Variants in LRP1B observed in about 807,000 individuals in gnomAD.
The protein encoded by LRP1B is LDL receptor related protein 1B.
A neutral mutation model predicts 556.6 loss-of-function variants in LRP1B; 217 were observed. The observed-to-expected ratio is 0.39, with a 90% CI of 0.35 to 0.44. The LOEUF is 0.44. Among genes scored for constraint, LRP1B ranks in the 20% least tolerant of loss-of-function variants. The probability of loss-of-function intolerance (pLI) is 1.00; values close to 1 mark genes in which losing one functional copy is unlikely to be tolerated. For missense variants in LRP1B, 5,053 were observed against 5,620.8 expected (o/e 0.90, Z 3.23); for synonymous variants, 2,047 against 1,865.8 (o/e 1.10, Z -2.50).
intron 84 of LRP1B, among the ~76,000 whole-genome samples, chr2:140,284,847 C>T (rs1299918647): frequency 2.0e-5 from 3 of 150,806 alleles, no homozygotes; most frequent in Admixed American, 6.7e-5. Context: ...CTTGCTACCA[C>T]CCCAGTGTAG....
chr2:141,011,249 GA>G (rs1266068784), intron 14 of LRP1B, among the ~76,000 whole-genome samples: 1 of 150,188 alleles, frequency 6.7e-6, no homozygotes, highest in Non-Finnish European at 1.5e-5. Context: ...CCATTTATAG[GA>G]CACAGATCAT....
intron 32 of LRP1B, among the ~76,000 whole-genome samples, chr2:140,808,295 A>T: frequency 6.6e-6 from 1 of 152,208 alleles, no homozygotes; most frequent in East Asian, 1.9e-4. Context: ...TATCTTGGAA[A>T]ATTAACCTTA....
intron 1 of LRP1B, among the ~76,000 whole-genome samples, chr2:141,938,786 A>G (rs752109133): frequency 2.6e-5 from 4 of 152,058 alleles, no homozygotes; most frequent in Non-Finnish European, 4.4e-5. Flanking sequence ...ATGTGTATCT[A>G]TATATACATA....
chr2:141,437,779 AG>A (rs1212296143), intron 3 of LRP1B, among the ~76,000 whole-genome samples: 1 of 151,806 alleles, frequency 6.6e-6, no homozygotes. Context: ...GCAGAAGGGG[AG>A]AAAAAATAAT....
intron 79 of LRP1B, among the ~76,000 whole-genome samples, chr2:140,329,933 C>T (rs1429685447): frequency 3.3e-5 from 5 of 151,768 alleles, no homozygotes; most frequent in East Asian, 1.9e-4. Context: ...ATGGGCTGGG[C>T]TCCCACCTAT....
At chr2:141,044,816 T>C (rs1392049321) in intron 11 of LRP1B, among the ~76,000 whole-genome samples, 1 of 150,320 alleles carries the variant, frequency 6.7e-6, no homozygotes, top group Non-Finnish European at 1.5e-5. Context: ...TTTTACACTG[T>C]TGGTGGGACT....
Position 140,851,793 on chromosome 2 carries a change from C to T in LRP1B, c.4580-10G>A, listed in dbSNP as rs777122885. 6.3e-7 allele frequency: 1 copy of T among 1,592,716 alleles called. No homozygotes were observed. Among genetic ancestry groups the T allele is most frequent in the East Asian group, 2.2e-5 (1 of 44,542 alleles). Reference sequence around the variant, plus strand: ...GCACAAGGATTGGGAGCTGTAATTACACAGTGAAATATGAACAGTGAAGAA... The same window carrying T: ...GCACAAGGATTGGGAGCTGTAATTATACAGTGAAATATGAACAGTGAAGAA... On this transcript the variant is annotated splice_polypyrimidine_tract_variant and intron_variant, in intron 27 of 90. Transcript: ENST00000389484.
At chr2:140,561,827 C>T (rs1406156865) in intron 43 of LRP1B, among the ~76,000 whole-genome samples, 1 of 151,838 alleles carries the variant, frequency 6.6e-6, no homozygotes, top group Non-Finnish European at 1.5e-5. Flanking sequence ...TTATGACTAC[C>T]AATCTAAATA....
rs759546131 is a variant in LRP1B at position 140,456,523 on chromosome 2, C to A, written c.9895G>T (p.Ala3299Ser). Residue 3299 changes from alanine to serine, a missense_variant, in exon 62 of 91, where the codon GCA becomes TCA. By Grantham distance (99) the Ala-to-Ser change is moderately conservative (BLOSUM62 1). Around this residue, in one of 5 missense-constraint regions of LRP1B, gnomAD observed 262 missense variants for 395.1 expected, o/e 0.66. Transcript: ENST00000389484. ...LLAPGKTHTC[A>S]CPTNFYLAAD... is the part of the protein sequence containing the mutation. ...GCCAGATAGAAGTTAGTGGGACATGCACAAGTGTGGGTTTTTCCAGGGGCT... is the reference window on the plus strand; with the variant it reads ...GCCAGATAGAAGTTAGTGGGACATGAACAAGTGTGGGTTTTTCCAGGGGCT... The A allele has an allele frequency of 8.1e-6, 13 of 1,613,284 alleles. No homozygotes were observed. In the South Asian group the frequency reaches 1.2e-4, roughly 15 times the overall value.
intron 1 of LRP1B, among the ~76,000 whole-genome samples, chr2:142,047,358 A>T (rs1704296487): frequency 6.6e-6 from 1 of 152,036 alleles, no homozygotes; most frequent in Non-Finnish European, 1.5e-5. Flanking sequence ...AGAAGGTAGC[A>T]GTCCACACAC....
intron 2 of LRP1B, among the ~76,000 whole-genome samples, chr2:141,663,345 A>G (rs1362536972): frequency 1.3e-5 from 2 of 152,154 alleles, no homozygotes; most frequent in Non-Finnish European, 2.9e-5. Context: ...TCAGAACAGA[A>G]CTAAAGGAGA....
chr2:140,392,291 A>G (rs1385009476), intron 66 of LRP1B, among the ~76,000 whole-genome samples: 2 of 152,112 alleles, frequency 1.3e-5, no homozygotes, highest in Non-Finnish European at 2.9e-5. Flanking sequence ...TTTATCCTAA[A>G]ACAGTTCCGC....
At position 141,826,354 on chromosome 2, in the gene LRP1B, GTTT is replaced by G. The variant is rs70994454; in HGVS notation, c.83-15956_83-15954del. Among the ~76,000 whole-genome samples, 56 of 97,076 alleles carry G rather than the reference GTTT, an allele frequency of 5.8e-4. 1 individual carries two copies. The highest frequency in any genetic ancestry group is 2.0e-3 in the East Asian group (6 of 3,042). 63.7% of individuals were successfully genotyped at this position (97,076 alleles called of 152,430 possible). On this transcript the variant is annotated intron_variant, in intron 1 of 90. Coordinates refer to ENST00000389484, the MANE Select transcript of LRP1B (RefSeq NM_018557.3). ...TATGACTTTTCCATACTTTTCAGAAGTTTTTTTTTTTTTTTTTTTTTTTGAGAC... is the reference window on the plus strand; with the variant it reads ...TATGACTTTTCCATACTTTTCAGAAGTTTTTTTTTTTTTTTTTTTTGAGAC...
chr2:140,750,354 GT>G (rs1688533346), intron 35 of LRP1B, among the ~76,000 whole-genome samples: 1 of 152,058 alleles, frequency 6.6e-6, no homozygotes, highest in African/African-American at 2.4e-5. Flanking sequence ...ATAAACAAAT[GT>G]ATAAAAGTTA....
chr2:141,576,148 C>T (rs993327768), intron 2 of LRP1B, among the ~76,000 whole-genome samples: 2 of 150,452 alleles, frequency 1.3e-5, no homozygotes, highest in South Asian at 4.2e-4. Context: ...GCACACATAC[C>T]TTTATCACAG....
intron 43 of LRP1B, among the ~76,000 whole-genome samples, chr2:140,594,357 C>T (rs544851851): frequency 2.5e-4 from 38 of 152,276 alleles, no homozygotes; most frequent in African/African-American, 8.7e-4. Context: ...TCAGAATATT[C>T]ATAATGTTCA....
intron 3 of LRP1B, among the ~76,000 whole-genome samples, chr2:141,401,975 C>T (rs1010124183): frequency 1.3e-5 from 2 of 152,090 alleles, no homozygotes; most frequent in African/African-American, 4.8e-5. Flanking sequence ...ACGCATCCTT[C>T]TTTTTGTATT....
chr2:141,578,767 C>T (rs1686851818), intron 2 of LRP1B, among the ~76,000 whole-genome samples: 1 of 152,120 alleles, frequency 6.6e-6, no homozygotes, highest in East Asian at 1.9e-4. Flanking sequence ...AAGTAAGGAA[C>T]ATTTTGAAGG....
At chr2:140,812,158 C>A (rs1690950700) in intron 32 of LRP1B, among the ~76,000 whole-genome samples, 1 of 152,110 alleles carries the variant, frequency 6.6e-6, no homozygotes, top group Non-Finnish European at 1.5e-5. Flanking sequence ...AAATTCCCAA[C>A]TAGGGAAACG....
Sources: allele counts gnomAD v4.1 joint callset (sites outside exome capture counted in the v4.1 genomes callset), GRCh38; gene constraint gnomAD v4.1.1; regional missense constraint gnomAD v4.1.1; transcripts MANE v1.5; gene names NCBI Gene and HGNC (gene_info 2026-07-23, HGNC 2026-07-21).